Variants in DLEC1 observed in about 807,000 individuals in gnomAD.
DLEC1 encodes the protein deleted in lung and esophageal cancer protein 1.
A neutral mutation model predicts 198.1 loss-of-function variants in DLEC1; 146 were observed. The ratio of observed to expected loss-of-function variants is 0.74; its 90% CI spans 0.64 to 0.85. The LOEUF (loss-of-function observed/expected upper bound fraction) is 0.85, where lower values mean the gene tolerates loss of function less well. Ranked by LOEUF, DLEC1 falls within the 40% of genes least tolerant of loss-of-function variation. The pLI, the probability that DLEC1 is intolerant of heterozygous loss-of-function variation, is 0.00. For synonymous variants in DLEC1, 897 were observed against 866.8 expected (o/e 1.03, Z -0.61); for missense variants, 2,233 against 2,220.0 (o/e 1.01, Z -0.12).
At chr3:38,083,765 T>C (rs1243482118) in intron 6 of DLEC1, among the ~76,000 whole-genome samples, 1 of 151,212 alleles carries the variant, frequency 6.6e-6, no homozygotes, top group Non-Finnish European at 1.5e-5. Context: ...TTGTATTTTA[T>C]TTATTTGTTT....
chr3:38,051,444 C>T (rs868829526), intron 2 of DLEC1, among the ~76,000 whole-genome samples: 8 of 152,296 alleles, frequency 5.3e-5, no homozygotes, highest in African/African-American at 1.7e-4. Context: ...TGGTGCTTCT[C>T]CCAAGTCAAT....
rs374002245 is a variant in DLEC1 at position 38,087,069 on chromosome 3, A to G, written c.1572+692A>G. On this transcript the variant is annotated intron_variant, in intron 9 of 36. Transcript: ENST00000308059. The stretch of plus-strand genomic sequence containing the variant: ...AGCCTGGGCGACAGAGTGAGACTCC[A>G]TCTCAAAAAAAAAAAAAAAATGGAG... Among the ~76,000 whole-genome samples the G allele has an allele frequency of 8.6e-3, 1,253 of 146,322 alleles. 18 individuals carry two copies. The highest frequency in any genetic ancestry group is 0.031 in the African/African-American group (1,165 of 38,072).
chr3:38,045,663 G>A lies in DLEC1; in HGVS notation c.532G>A (p.Asp178Asn). 5.6e-6 allele frequency: 9 copies of A among 1,613,728 alleles called. No homozygotes were observed. Among genetic ancestry groups the A allele is most frequent in the Non-Finnish European group, 7.6e-6 (9 of 1,179,862 alleles). ...ERVMSQAGVQ[D>N]LESLVRLPPV... ...GGTCATGAGCCAGGCTGGAGTACAG[G>A]ACCTCGAGAGCCTTGTCAGGTTGCC... The change falls in exon 2 of 37, where the codon GAC becomes AAC. Residue 178 changes from aspartate (D) to asparagine (N), a missense_variant. Asp to Asn is a conservative substitution (Grantham distance 23). Transcript: ENST00000308059.
chr3:38,109,982 C>G, intron 22 of DLEC1, 117 bp from the exon 23 acceptor site: 1 of 1,183,244 alleles, frequency 8.5e-7, no homozygotes, highest in Non-Finnish European at 1.2e-6. Context: ...AAACAGGAGT[C>G]TGAGGATGAA....
At position 38,097,729 on chromosome 3, in the gene DLEC1, C is replaced by T. The variant is rs752886263; in HGVS notation, c.2566-15C>T. Reference sequence around the variant, plus strand: ...TCCCCAGGTGGCCCAGTGACAGGCCCTCTGGGTGTCTCAGGGGCCTGCCCT... The same window carrying T: ...TCCCCAGGTGGCCCAGTGACAGGCCTTCTGGGTGTCTCAGGGGCCTGCCCT... On this transcript the variant is annotated splice_polypyrimidine_tract_variant and intron_variant, in intron 17 of 36. Coordinates refer to ENST00000308059, the MANE Select transcript of DLEC1 (RefSeq NM_007335.4). 5 of 1,613,922 alleles carry T rather than the reference C, an allele frequency of 3.1e-6. No homozygotes were observed. Among genetic ancestry groups the T allele is most frequent in the South Asian group, 2.2e-5 (2 of 91,076 alleles).
At chr3:38,088,757 C>T (rs532444122) in intron 10 of DLEC1, among the ~76,000 whole-genome samples, 5 of 152,166 alleles carry the variant, frequency 3.3e-5, no homozygotes, top group East Asian at 1.9e-4. Context: ...CTGATTATTG[C>T]GGTTATTGTG....
chr3:38,053,246 C>T (rs1327461910), intron 2 of DLEC1, among the ~76,000 whole-genome samples: 4 of 151,866 alleles, frequency 2.6e-5, no homozygotes, highest in African/African-American at 4.8e-5. Context: ...TCTGCCTGGC[C>T]GCCCATCGTC....
rs762418059 is a variant in DLEC1 at position 38,095,056 on chromosome 3, C to G, written c.2097C>G (p.Ser699Arg). 3.4e-5 allele frequency: 55 copies of G among 1,614,104 alleles called. No homozygotes were observed. The highest frequency in any genetic ancestry group is 3.2e-5 in the Non-Finnish European group (38 of 1,180,038). ...ACACAGACCACGAGTTCATCCTGAG[C>G]TTTTCTCCTCATGAGGTTCAGATGG... ...SPHTDHEFIL[S>R]FSPHELRDFH... Residue 699 changes from serine to arginine, a missense_variant, in exon 13 of 37, where the codon AGC (serine) becomes AGG (arginine). Physicochemically the swap from Ser to Arg is moderately radical, Grantham distance 110. Transcript: ENST00000308059.
At position 38,111,679 on chromosome 3, in the gene DLEC1, C is replaced by T. The variant is rs1185676949; in HGVS notation, c.3446C>T (p.Pro1149Leu). Residue 1149 changes from proline to leucine, a missense_variant and splice_region_variant, in exon 24 of 37, where the codon CCC (proline) becomes CTC (leucine). Pro to Leu is a moderately conservative substitution (Grantham distance 98, BLOSUM62 -3). Transcript: ENST00000308059. ...QNSLSKKTSL[P>L]NMPPALLKTV... ...TTTCTGTGTCTCCACTTGTAAAGTC[C>T]CAACATGCCTCCTGCCCTGCTAAAG... 1.9e-6 allele frequency: 3 copies of T among 1,612,968 alleles called. No individual in the cohort carries two copies. The African/African-American group carries it at 4.0e-5, about 22-fold the overall frequency.
chr3:38,085,318 T>G lies in DLEC1; in HGVS notation c.1306T>G (p.Cys436Gly), dbSNP rs1293332717. 3 of 1,614,166 alleles carry G rather than the reference T, an allele frequency of 1.9e-6. No homozygotes were observed. In the South Asian group the frequency reaches 3.3e-5, roughly 18 times the overall value. The change falls in exon 8 of 37, where the codon TGC becomes GGC. Residue 436 changes from cysteine (C) to glycine (G), a missense_variant. Transcript: ENST00000308059. ...KGGMVAPGMTCQYIVQFFPDC... is the reference protein window; with the variant it reads ...KGGMVAPGMTGQYIVQFFPDC... ...TGGAATGGTGGCTCCTGGAATGACC[T>G]GCCAGTACATTGTCCAGTTTTTTCC...
intron 9 of DLEC1, 63 bp downstream of exon 9, chr3:38,086,440 A>C: frequency 6.4e-7 from 1 of 1,556,004 alleles, no homozygotes; most frequent in Non-Finnish European, 8.7e-7. Flanking sequence ...TAACCCCCAG[A>C]GGAACTTACT....
intron 34 of DLEC1, among the ~76,000 whole-genome samples, chr3:38,121,147 T>C (rs993766679): frequency 3.3e-5 from 5 of 152,136 alleles, no homozygotes; most frequent in East Asian, 3.9e-4. Context: ...GCCGAGGCGC[T>C]CTAGCCTGGC....
Position 38,092,833 on chromosome 3 carries a change from T to C in DLEC1, c.1709T>C (p.Phe570Ser). The change falls in exon 11 of 37, where the codon TTC becomes TCC. Residue 570 changes from phenylalanine to serine, a missense_variant. Physicochemically the swap from Phe to Ser is radical, Grantham distance 155. Transcript: ENST00000308059. Reference protein sequence around the residue: ...PKSLGKAEQTFIIMCDNCQIK... With the variant: ...PKSLGKAEQTSIIMCDNCQIK... Reference sequence around the variant, plus strand: ...AGCCTAGGAAAGGCAGAGCAGACCTTCATCATCATGTGCGACAACTGCCAG... The same window carrying C: ...AGCCTAGGAAAGGCAGAGCAGACCTCCATCATCATGTGCGACAACTGCCAG... 1 of 1,613,648 alleles carries C rather than the reference T, an allele frequency of 6.2e-7. No homozygotes were observed. Among genetic ancestry groups the C allele is most frequent in the Non-Finnish European group, 8.5e-7 (1 of 1,179,594 alleles).
At chr3:38,070,621 A>T (rs1697262880) in intron 6 of DLEC1, among the ~76,000 whole-genome samples, 1 of 152,168 alleles carries the variant, frequency 6.6e-6, no homozygotes, top group African/African-American at 2.4e-5. Flanking sequence ...GGGTGGGTCC[A>T]TTTTATAAGA....
At chr3:38,103,935 C>T (rs1405130062) in intron 19 of DLEC1, 1 of 152,132 alleles carries the variant, frequency 6.6e-6, no homozygotes. Flanking sequence ...TCAAAGATCA[C>T]TAATCACAGG....
chr3:38,068,702 C>T (rs1559413345), intron 6 of DLEC1, among the ~76,000 whole-genome samples: 3 of 152,106 alleles, frequency 2.0e-5, no homozygotes, highest in African/African-American at 7.2e-5. Context: ...GAGAAGAGTC[C>T]CTGATACACC....
chr3:38,071,006 T>G (rs377477788), intron 6 of DLEC1, among the ~76,000 whole-genome samples: 11 of 152,100 alleles, frequency 7.2e-5, no homozygotes, highest in Middle Eastern at 3.4e-3. Flanking sequence ...CGAAAATTTT[T>G]GGGGGATGGT....
At chr3:38,087,963 T>C (rs1343033396) in intron 9 of DLEC1, among the ~76,000 whole-genome samples, 1 of 152,198 alleles carries the variant, frequency 6.6e-6, no homozygotes, top group Non-Finnish European at 1.5e-5. Context: ...CCCACTCAGC[T>C]CACCTCCTGA....
chr3:38,044,570 G>GA (rs972540633), intron 1 of DLEC1, among the ~76,000 whole-genome samples: 3 of 150,082 alleles, frequency 2.0e-5, no homozygotes, highest in South Asian at 2.1e-4. Flanking sequence ...TCTCAAAAAA[G>GA]AAAAAAAAAG....
Sources: gnomAD v4.1 joint callset for allele counts (sites outside exome capture counted in the v4.1 genomes callset) on GRCh38, gnomAD v4.1.1 for gene constraint, MANE v1.5 for transcripts, NCBI Gene and HGNC (gene_info 2026-07-23, HGNC 2026-07-21) for gene names.